The following KLHL29 variants were observed in gnomAD, a reference collection of about 807,000 sequenced individuals.
KLHL29 encodes kelch like family member 29.
KLHL29 carries 21 observed loss-of-function variants against 80.4 expected under a neutral mutation model. That is an observed-to-expected ratio of 0.26 (90% CI 0.19 to 0.38). The LOEUF (loss-of-function observed/expected upper bound fraction) is 0.38, where lower values mean the gene tolerates loss of function less well. Among genes scored for constraint, KLHL29 ranks in the 10% least tolerant of loss-of-function variants. KLHL29 has a pLI of 1.00. For synonymous variants in KLHL29, 511 were observed against 526.8 expected, an observed-to-expected ratio of 0.97 and a Z score of 0.41; for missense variants, 867 against 1,223.9, an observed-to-expected ratio of 0.71 and a Z score of 4.35.
intron 2 of KLHL29, among the ~76,000 whole-genome samples, chr2:23,549,620 G>A (rs979987217): frequency 5.9e-5 from 9 of 152,234 alleles, no homozygotes; most frequent in African/African-American, 1.9e-4. Flanking sequence ...GCAGGGGAGT[G>A]GGCAAAACAG....
At chr2:23,615,607 C>G (rs996752509) in intron 3 of KLHL29, among the ~76,000 whole-genome samples, 1 of 152,080 alleles carries the variant, frequency 6.6e-6, no homozygotes, top group Admixed American at 6.5e-5. Flanking sequence ...GTGCTCTGGG[C>G]GGAGGGAAGT....
rs778317245 is a variant in KLHL29, at chr2:23,406,184, C to T, written c.-154+20404C>T. Among the ~76,000 whole-genome samples, 5 of 151,900 alleles carry T rather than the reference C, an allele frequency of 3.3e-5. No individual in the cohort carries two copies. In the East Asian group the frequency reaches 5.8e-4, roughly 18 times the overall value. On this transcript the variant is annotated intron_variant, in intron 1 of 13. Coordinates refer to ENST00000486442, the MANE Select transcript of KLHL29 (RefSeq NM_052920.2). ...TCTCTACTAAAATACAAAAATTAAT[C>T]GGGCATGGTGGCGGGCACCTGTGAT...
intron 1 of KLHL29, among the ~76,000 whole-genome samples, chr2:23,409,766 G>C (rs13030106): frequency 0.24 from 35,836 of 152,222 alleles, 5,248 homozygotes; most frequent in South Asian, 0.33. Context: ...ACAGTCTAGT[G>C]GGGGAGACAG....
At chr2:23,523,938 AGTAAGTACTTACCTC>A (rs765219512) in intron 2 of KLHL29, 90 of 468,040 alleles carry the variant, frequency 1.9e-4, no homozygotes, top group Non-Finnish European at 3.6e-4. Flanking sequence ...GGGACCTTGA[AGTAAGTACTTACCTC>A]GTAAAGAGAA....
chr2:23,552,293 G>A (rs557750449), intron 2 of KLHL29, among the ~76,000 whole-genome samples: 4 of 152,334 alleles, frequency 2.6e-5, no homozygotes, highest in East Asian at 1.9e-4. Flanking sequence ...GGCTGTGCGC[G>A]TGGCATTGAT....
intron 1 of KLHL29, among the ~76,000 whole-genome samples, chr2:23,391,726 A>G (rs1029816141): frequency 1.3e-5 from 2 of 152,234 alleles, no homozygotes; most frequent in South Asian, 2.1e-4. Context: ...GGCATTAGCC[A>G]CCGCGCCCAG....
intron 2 of KLHL29, among the ~76,000 whole-genome samples, chr2:23,541,774 A>AC (rs1330296237): frequency 2.0e-5 from 3 of 149,210 alleles, no homozygotes; most frequent in Non-Finnish European, 4.5e-5. Flanking sequence ...CCAAAAAACA[A>AC]AAAAAAAAAA....
chr2:23,464,847 T>C (rs1664304062), intron 1 of KLHL29, among the ~76,000 whole-genome samples: 1 of 152,170 alleles, frequency 6.6e-6, no homozygotes, highest in Non-Finnish European at 1.5e-5. Flanking sequence ...TCTTAATTAT[T>C]ATTACTCCAT....
rs188703814 is a variant in KLHL29 at position 23,499,718 on chromosome 2, A to T, written c.-46+24051A>T. Among the ~76,000 whole-genome samples the T allele has an allele frequency of 2.6e-4, 40 of 152,272 alleles. No homozygotes were observed. The East Asian group carries it at 5.2e-3, about 20-fold the overall frequency. On this transcript the variant is annotated intron_variant, in intron 2 of 13. Transcript: ENST00000486442. ...AGAGAAAGTAAAGCATGACTTGGAGATCCAGAGTCTGCCAGACCCCAGGGC... is the reference window on the plus strand; with the variant it reads ...AGAGAAAGTAAAGCATGACTTGGAGTTCCAGAGTCTGCCAGACCCCAGGGC...
chr2:23,599,949 GC>G (rs1265433907), intron 3 of KLHL29, among the ~76,000 whole-genome samples: 1 of 152,186 alleles, frequency 6.6e-6, no homozygotes, highest in East Asian at 1.9e-4. Context: ...AAAGGCCCAA[GC>G]CCCCCATCCC....
At chr2:23,702,372 T>TTCC (rs1672453168) in intron 11 of KLHL29, among the ~76,000 whole-genome samples, 1 of 152,254 alleles carries the variant, frequency 6.6e-6, no homozygotes. Flanking sequence ...TATAATAAAA[T>TTCC]GTCAGATATC....
intron 2 of KLHL29, among the ~76,000 whole-genome samples, chr2:23,553,161 C>A (rs1043229811): frequency 1.8e-4 from 28 of 152,230 alleles, no homozygotes; most frequent in Middle Eastern, 3.2e-3. Flanking sequence ...AGACCCTGGA[C>A]CCTGCAGCAG....
intron 3 of KLHL29, among the ~76,000 whole-genome samples, chr2:23,633,487 T>C (rs1031630395): frequency 6.6e-6 from 1 of 152,178 alleles, no homozygotes; most frequent in African/African-American, 2.4e-5. Context: ...ATCCCTTTTT[T>C]TTTTACTTTT....
intron 3 of KLHL29, among the ~76,000 whole-genome samples, chr2:23,611,495 G>A (rs1337980757): frequency 3.9e-5 from 6 of 152,184 alleles, no homozygotes; most frequent in Admixed American, 2.0e-4. Flanking sequence ...AGGTGATCCC[G>A]TATTACTAGT....
Position 23,545,706 on chromosome 2 carries a change from G to A in KLHL29, c.-45-16446G>A, listed in dbSNP as rs77679872. The stretch of plus-strand genomic sequence containing the variant: ...CCCCGGCTACACTGCTCCTGGGGAC[G>A]AGTCATTTCCTTTGTAGCCAGGGAG... On this transcript the variant is annotated intron_variant, in intron 2 of 13. Coordinates refer to ENST00000486442, the MANE Select transcript of KLHL29 (RefSeq NM_052920.2). Among the ~76,000 whole-genome samples, 307 of 152,316 alleles carry A rather than the reference G, an allele frequency of 2.0e-3. 4 individuals are homozygous for A. The highest frequency in any genetic ancestry group is 3.6e-3 in the Non-Finnish European group (243 of 68,030).
At chr2:23,590,293 C>G (rs987435691) in intron 3 of KLHL29, among the ~76,000 whole-genome samples, 3 of 152,176 alleles carry the variant, frequency 2.0e-5, no homozygotes, top group Non-Finnish European at 4.4e-5. Flanking sequence ...GTTTTTTTGC[C>G]TCTGCCCAAG....
chr2:23,403,451 G>C (rs112496079), intron 1 of KLHL29, among the ~76,000 whole-genome samples: 2 of 152,252 alleles, frequency 1.3e-5, no homozygotes, highest in African/African-American at 4.8e-5. Context: ...TCTCTTCCAT[G>C]CTGGGGCTCC....
chr2:23,419,454 A>C (rs948678788), intron 1 of KLHL29, among the ~76,000 whole-genome samples: 1 of 151,484 alleles, frequency 6.6e-6, no homozygotes, highest in African/African-American at 2.4e-5. Context: ...GGGAGCCCAC[A>C]GCCGGGGTGA....
At chr2:23,473,004 C>T (rs371461514) in intron 1 of KLHL29, among the ~76,000 whole-genome samples, 23 of 152,206 alleles carry the variant, frequency 1.5e-4, no homozygotes, top group African/African-American at 5.1e-4. Flanking sequence ...TAGCACAGTG[C>T]CCCCAGGCTG....
Sources: gnomAD v4.1 joint callset for allele counts (sites outside exome capture counted in the v4.1 genomes callset) on GRCh38, gnomAD v4.1.1 for gene constraint, MANE v1.5 for transcripts, NCBI Gene and HGNC (gene_info 2026-07-23, HGNC 2026-07-21) for gene names.